Variants in BIRC6 observed in about 807,000 individuals in gnomAD.
The protein encoded by BIRC6 is baculoviral IAP repeat containing 6.
BIRC6 carries 98 observed loss-of-function variants against 503.3 expected under a neutral mutation model. The observed-to-expected ratio is 0.19, with a 90% CI of 0.17 to 0.23. The LOEUF (loss-of-function observed/expected upper bound fraction) is 0.23. BIRC6 is among the 10% of genes least tolerant of loss of function. The probability of loss-of-function intolerance (pLI) is 1.00; values close to 1 mark genes in which losing one functional copy is unlikely to be tolerated. For synonymous variants in BIRC6, 2,240 were observed against 2,078.7 expected, an observed-to-expected ratio of 1.08 and a Z score of -2.11; for missense variants, 5,360 against 5,806.0, an observed-to-expected ratio of 0.92 and a Z score of 2.50.
intron 21 of BIRC6, among the ~76,000 whole-genome samples, chr2:32,446,738 GTTTTTTTTTTTTTTTTTTT>G (rs58232090): frequency 2.3e-4 from 8 of 34,838 alleles, no homozygotes; most frequent in Admixed American, 1.1e-3. Context: ...CCTCTGCGCT[GTTTTTTTTTTTTTTTTTTT>G]TTTTTTTTTT....
intron 15 of BIRC6, among the ~76,000 whole-genome samples, chr2:32,439,190 C>CGT (rs146683730): frequency 0.033 from 4,896 of 149,618 alleles, 110 homozygotes; most frequent in Non-Finnish European, 0.048. Flanking sequence ...TGTGTGTGTG[C>CGT]GTGTGTATGT....
At chr2:32,364,489 C>T (rs1438031820) in intron 1 of BIRC6, among the ~76,000 whole-genome samples, 1 of 152,172 alleles carries the variant, frequency 6.6e-6, no homozygotes, top group African/African-American at 2.4e-5. Context: ...GATCCGCCCG[C>T]CCTGGCCTCC....
At chr2:32,538,768 TA>T (rs1257208198) in intron 61 of BIRC6, among the ~76,000 whole-genome samples, 7 of 152,124 alleles carry the variant, frequency 4.6e-5, no homozygotes, top group Admixed American at 3.3e-4. Flanking sequence ...CTGCCTCTAC[TA>T]AAAAATATGA....
intron 10 of BIRC6, 111 bp downstream of exon 10, chr2:32,416,274 T>C (rs1270372947): frequency 8.8e-7 from 1 of 1,141,826 alleles, no homozygotes; most frequent in African/African-American, 1.6e-5. Flanking sequence ...GAGGAATTAA[T>C]TTTTTTGTAA....
chr2:32,617,889 T>C lies in BIRC6; in HGVS notation c.14559T>C (p.Ser4853=). 6.2e-7 allele frequency: 1 copy of C among 1,613,328 alleles called. No individual in the cohort carries two copies. Among genetic ancestry groups the C allele is most frequent in the Non-Finnish European group, 8.5e-7 (1 of 1,179,516 alleles). ...VKPSSSKELP[S]DFQL is the part of the protein sequence containing the mutation. The stretch of plus-strand genomic sequence containing the variant: ...CCAGCAGCAGCAAAGAACTCCCCAG[T>C]GACTTCCAGTTATGAGCTGCATTGA... Residue 4853 remains serine (S), a synonymous_variant, in exon 74 of 74, where the codon AGT becomes AGC. Coordinates refer to ENST00000421745, the MANE Select transcript of BIRC6 (RefSeq NM_016252.4).
intron 62 of BIRC6, among the ~76,000 whole-genome samples, 161 bp from the exon 63 acceptor site, chr2:32,545,482 T>G (rs568219797): frequency 2.0e-4 from 31 of 152,350 alleles, no homozygotes; most frequent in African/African-American, 7.5e-4. Context: ...CGTTATTAAA[T>G]TTTAAGATAT....
intron 46 of BIRC6, 96 bp downstream of exon 46, chr2:32,500,205 G>A (rs1231894395): frequency 1.5e-5 from 17 of 1,124,792 alleles, no homozygotes; most frequent in Non-Finnish European, 2.0e-5. Context: ...TTACTTTATA[G>A]TGTAAAACTG....
rs576727013 is a variant in BIRC6, at chr2:32,537,823, G to A, written c.12292-5418G>A. Among the ~76,000 whole-genome samples the A allele has an allele frequency of 1.5e-4, 23 of 152,022 alleles. 2 individuals are homozygous for A. The highest frequency in any genetic ancestry group is 1.4e-3 in the Admixed American group (22 of 15,254). On this transcript the variant is annotated intron_variant, in intron 61 of 73. Transcript: ENST00000421745. ...CTACTAAAAATACAAAAAATTAGCC[G>A]GGCGGGGTGGCAGGTGCCTGTAGTC...
Position 32,529,744 on chromosome 2 carries a change from C to T in BIRC6, c.12014C>T (p.Thr4005Ile). 1 of 1,613,548 alleles carries T rather than the reference C, an allele frequency of 6.2e-7. No individual in the cohort carries two copies. Among genetic ancestry groups the T allele is most frequent in the South Asian group, 1.1e-5 (1 of 91,064 alleles). The change falls in exon 60 of 74, where the codon ACT becomes ATT. Residue 4005 changes from threonine (T) to isoleucine (I), a missense_variant. By Grantham distance (89) the Thr-to-Ile change is moderately conservative (BLOSUM62 -1). Transcript: ENST00000421745. ...LPQGYRSIDL[T>I]VKLGSRVITD... ...CAGGGTTACCGCTCAATAGATCTGA[C>T]TGTTAAATTGGGATCAAGAGTTATA...
At chr2:32,436,684 A>AT (rs1468343907) in intron 15 of BIRC6, among the ~76,000 whole-genome samples, 3 of 151,892 alleles carry the variant, frequency 2.0e-5, no homozygotes, top group Non-Finnish European at 2.9e-5. Flanking sequence ...GGTTCAAGTG[A>AT]TTCTCTTGCC....
intron 57 of BIRC6, chr2:32,521,798 T>C (rs1413004824): frequency 6.6e-6 from 1 of 152,124 alleles, no homozygotes; most frequent in Non-Finnish European, 1.5e-5. Flanking sequence ...TACTTTCAAA[T>C]AATAACCTTT....
At chr2:32,510,772 C>T (rs1295894648) in intron 53 of BIRC6, 138 bp downstream of exon 53, 4 of 590,062 alleles carry the variant, frequency 6.8e-6, no homozygotes, top group South Asian at 2.5e-5. Context: ...ATATGCCTCA[C>T]ACGATGTAAC....
rs377224872 is a variant in BIRC6 at position 32,508,272 on chromosome 2, TGTCC to T, written c.9980+14_9980+17del. 1 of 1,385,718 alleles carries T rather than the reference TGTCC, an allele frequency of 7.2e-7. No homozygotes were observed. Among genetic ancestry groups the T allele is most frequent in the Non-Finnish European group, 9.6e-7 (1 of 1,046,018 alleles). 85.8% of individuals were successfully genotyped at this position (1,385,718 alleles called of 1,614,324 possible). A position where few individuals can be genotyped will look rare whatever the true frequency, so the allele number is the denominator to read the frequency against. On this transcript the variant is annotated intron_variant, in intron 51 of 73. Transcript: ENST00000421745. ...TATCCAAAACAAGGTATGTTTTGTT[TGTCC>T]TTTTTTTTTTTTTTTTTTTTTTTTT...
intron 10 of BIRC6, among the ~76,000 whole-genome samples, chr2:32,417,174 G>C (rs991938036): frequency 6.6e-6 from 1 of 151,572 alleles, no homozygotes; most frequent in Non-Finnish European, 1.5e-5. Context: ...GTGTTGCCCA[G>C]GCTGGAGTGC....
intron 50 of BIRC6, among the ~76,000 whole-genome samples, chr2:32,507,289 A>G (rs1276085394): frequency 6.6e-6 from 1 of 152,038 alleles, no homozygotes; most frequent in Admixed American, 6.6e-5. Flanking sequence ...AATTACCTAG[A>G]TGTAGTGGCA....
At chr2:32,587,076 T>C (rs1256573492) in intron 66 of BIRC6, among the ~76,000 whole-genome samples, 1 of 152,180 alleles carries the variant, frequency 6.6e-6, no homozygotes, top group Non-Finnish European at 1.5e-5. Context: ...CTGGTTCTAA[T>C]ATTTAGGATA....
chr2:32,418,919 G>C (rs1438232366), intron 10 of BIRC6, among the ~76,000 whole-genome samples: 1 of 152,288 alleles, frequency 6.6e-6, no homozygotes, highest in East Asian at 1.9e-4. Context: ...CTTCACTCCA[G>C]CCTAGGCTAC....
In BIRC6 at chr2:32,364,180, C is replaced by G. The variant is rs551833375; in HGVS notation, c.325+6694C>G. Among the ~76,000 whole-genome samples the G allele has an allele frequency of 3.0e-4, 46 of 152,282 alleles. No individual in the cohort carries two copies. The South Asian group carries it at 9.3e-3, about 31-fold the overall frequency. On this transcript the variant is annotated intron_variant, in intron 1 of 73. Transcript: ENST00000421745. ...ATATGGGTAGGAGACAGTCATGTCT[C>G]TTCAGTTTCCGAAGTGAATTCCAGA...
intron 5 of BIRC6, among the ~76,000 whole-genome samples, chr2:32,392,610 T>A (rs537398031): frequency 1.1e-4 from 17 of 152,246 alleles, no homozygotes; most frequent in Middle Eastern, 3.4e-3. Context: ...ACAACTTTTT[T>A]AAAAAACAAT....
Sources: allele counts gnomAD v4.1 joint callset (sites outside exome capture counted in the v4.1 genomes callset), GRCh38; gene constraint gnomAD v4.1.1; transcripts MANE v1.5; gene names NCBI Gene and HGNC (gene_info 2026-07-23, HGNC 2026-07-21).